PICALM: variants seen among roughly 807,000 people sequenced by gnomAD.
PICALM encodes the protein phosphatidylinositol-binding clathrin assembly protein.
In PICALM, 40 loss-of-function variants were observed where a neutral mutation model predicts 80.5. The ratio of observed to expected loss-of-function variants is 0.50; its 90% CI spans 0.39 to 0.65. PICALM has a LOEUF of 0.65. Among genes scored for constraint, PICALM ranks in the 30% least tolerant of loss-of-function variants. PICALM has a pLI of 0.00. For synonymous variants in PICALM, 288 were observed against 260.3 expected (o/e 1.11, Z -1.02); for missense variants, 676 against 778.9 (o/e 0.87, Z 1.57).
At chr11:85,960,771 C>A (rs2093661283) in intron 19 of PICALM, 2 of 1,284,070 alleles carry the variant, frequency 1.6e-6, no homozygotes, top group East Asian at 4.4e-5. Context: ...CTGGATGCTG[C>A]CGACAGCTGG....
chr11:85,969,780 A>C (rs113194633), intron 19 of PICALM: 1 of 226,252 alleles, frequency 4.4e-6, no homozygotes, highest in African/African-American at 2.3e-5. Flanking sequence ...CAGCCTCCCA[A>C]AGTGCTAGTA....
At chr11:85,992,805 T>C (rs868540809) in intron 12 of PICALM, among the ~76,000 whole-genome samples, 63 of 152,324 alleles carry the variant, frequency 4.1e-4, no homozygotes, top group African/African-American at 1.3e-3. Flanking sequence ...TACTGACAGA[T>C]AGGTTTTATC....
chr11:85,993,882 AT>A (rs900043400), intron 12 of PICALM, among the ~76,000 whole-genome samples: 18 of 148,628 alleles, frequency 1.2e-4, no homozygotes, highest in South Asian at 2.1e-4. Context: ...CACTAAACTG[AT>A]TTTTTTTTTT....
At chr11:86,057,123 AAC>A (rs2096281307) in intron 1 of PICALM, among the ~76,000 whole-genome samples, 4 of 152,328 alleles carry the variant, frequency 2.6e-5, no homozygotes, top group African/African-American at 9.6e-5. Context: ...CATACTAAAT[AAC>A]ACTGAATTCT....
chr11:86,013,486 A>AAC lies in PICALM; in HGVS notation c.547-1096_547-1095dup, dbSNP rs377407936. Among the ~76,000 whole-genome samples, 126 of 151,646 alleles carry AAC rather than the reference A, an allele frequency of 8.3e-4. 1 individual carries two copies. The highest frequency in any genetic ancestry group is 3.5e-3 in the East Asian group (18 of 5,168). On this transcript the variant is annotated intron_variant, in intron 5 of 19. Coordinates refer to ENST00000393346, the MANE Select transcript of PICALM (RefSeq NM_007166.4). ...CTATTGAAATAGGTTTACAAATAGA[A>AAC]ACACACACACACACAGAGGGAGAGA...
chr11:86,067,778 T>TAA (rs10681680), intron 1 of PICALM, among the ~76,000 whole-genome samples: 91,577 of 151,836 alleles, frequency 0.6, 27,777 homozygotes, highest in East Asian at 0.67. Flanking sequence ...CAGGAACTGA[T>TAA]AAGAGTATCA....
chr11:86,048,659 C>T (rs187436656), intron 1 of PICALM, among the ~76,000 whole-genome samples: 107 of 151,528 alleles, frequency 7.1e-4, no homozygotes, highest in Middle Eastern at 3.4e-3. Flanking sequence ...TGGTGAAATC[C>T]CAGCTCTACT....
intron 1 of PICALM, among the ~76,000 whole-genome samples, chr11:86,064,468 G>A (rs2096414104): frequency 6.6e-6 from 1 of 151,954 alleles, no homozygotes; most frequent in Non-Finnish European, 1.5e-5. Flanking sequence ...TTTGAGACCT[G>A]CCCGAGCAAC....
intron 12 of PICALM, among the ~76,000 whole-genome samples, chr11:85,990,862 T>C (rs1382813150): frequency 6.6e-6 from 1 of 152,162 alleles, no homozygotes; most frequent in Admixed American, 6.5e-5. Flanking sequence ...TTTTGGCATG[T>C]GCAGATAATT....
intron 1 of PICALM, among the ~76,000 whole-genome samples, chr11:86,050,333 T>C (rs1170218797): frequency 1.3e-5 from 2 of 151,730 alleles, no homozygotes; most frequent in African/African-American, 4.8e-5. Context: ...TAGATGTACA[T>C]GTACTGCAAG....
rs1451631545 is a variant in PICALM at position 85,958,493 on chromosome 11, CATAA to C, written c.*549_*552del. The C allele has an allele frequency of 1.1e-4, 23 of 208,692 alleles. No homozygotes were observed. Among genetic ancestry groups the C allele is most frequent in the Non-Finnish European group, 2.1e-4 (22 of 102,428 alleles). 12.9% of individuals were successfully genotyped at this position (208,692 alleles called of 1,614,324 possible). On this transcript the variant is annotated 3_prime_UTR_variant, in exon 20 of 20. Transcript: ENST00000393346. ...ATTAATGTTATGTAAAATTGATAAT[CATAA>C]ATAAATACAAATACTTAAGGAATGT...
chr11:85,996,234 T>C (rs2094956113), intron 12 of PICALM, among the ~76,000 whole-genome samples: 1 of 152,168 alleles, frequency 6.6e-6, no homozygotes, highest in Admixed American at 6.5e-5. Context: ...GAGATAAGCC[T>C]ATCACTTCAG....
At chr11:85,997,086 G>T (rs751155552) in intron 11 of PICALM, among the ~76,000 whole-genome samples, 157 bp from the exon 12 acceptor site, 1 of 152,104 alleles carries the variant, frequency 6.6e-6, no homozygotes, top group Non-Finnish European at 1.5e-5. Context: ...TCATATGACA[G>T]CATATTTCTA....
chr11:85,968,554 A>C (rs916064934), intron 19 of PICALM, among the ~76,000 whole-genome samples: 4 of 152,238 alleles, frequency 2.6e-5, no homozygotes, highest in African/African-American at 9.6e-5. Context: ...AATGACTTTC[A>C]GAAGAAAATT....
rs187292071 is a variant in PICALM, at chr11:85,980,991, G to A, written c.1779+138C>T. 1.3e-5 allele frequency: 7 copies of A among 556,348 alleles called. No homozygotes were observed. In the East Asian group the frequency reaches 2.1e-4, roughly 17 times the overall value. 34.5% of individuals were successfully genotyped at this position (556,348 alleles called of 1,614,324 possible). On this transcript the variant is annotated intron_variant, in intron 17 of 19. Transcript: ENST00000393346. ...TAAATATAGGCAACCAGCTTCCTTT[G>A]AAAGAAATACAATTACTTATACTTC... is the stretch of plus-strand genomic sequence containing the variant.
At chr11:86,015,285 A>G (rs193207587) in intron 4 of PICALM, among the ~76,000 whole-genome samples, 1 of 152,330 alleles carries the variant, frequency 6.6e-6, no homozygotes, top group East Asian at 1.9e-4. Flanking sequence ...GATCCTCACA[A>G]TCATTGGTGT....
chr11:86,034,329 T>G (rs1227797331), intron 1 of PICALM, among the ~76,000 whole-genome samples: 1 of 152,178 alleles, frequency 6.6e-6, no homozygotes, highest in African/African-American at 2.4e-5. Context: ...ATGTTTCTCA[T>G]TTAATAGTAC....
rs191438553 is a variant in PICALM at position 85,975,565 on chromosome 11, A to G, written c.1840-753T>C. 1.6e-3 allele frequency among the ~76,000 whole-genome samples: 231 copies of G among 145,538 alleles called. 5 individuals are homozygous for G. The highest frequency in any genetic ancestry group is 4.4e-4 in the Non-Finnish European group (29 of 66,452). ...TATTTGCATTTAGAGCTTCATTTTA[A>G]GTTTATGGCCTGAGTTTCTCAGCAG... On this transcript the variant is annotated intron_variant, in intron 18 of 19. Transcript: ENST00000393346.
intron 1 of PICALM, among the ~76,000 whole-genome samples, chr11:86,042,599 G>C (rs947591120): frequency 6.7e-6 from 1 of 148,414 alleles, no homozygotes; most frequent in Non-Finnish European, 1.5e-5. Flanking sequence ...ACACTTTTTT[G>C]TATTACATGC....
Sources: gnomAD v4.1 joint callset for allele counts (sites outside exome capture counted in the v4.1 genomes callset) on GRCh38, gnomAD v4.1.1 for gene constraint, MANE v1.5 for transcripts, NCBI Gene and HGNC (gene_info 2026-07-23, HGNC 2026-07-21) for gene names.